Variants in IRAK4 observed in about 807,000 individuals in gnomAD.
IRAK4 encodes interleukin-1 receptor-associated kinase 4.
IRAK4 carries 44 observed loss-of-function variants against 51.8 expected under a neutral mutation model. That is an observed-to-expected ratio of 0.85 (90% CI 0.67 to 1.09). The LOEUF (loss-of-function observed/expected upper bound fraction) is 1.09, where lower values mean the gene tolerates loss of function less well. Among genes scored for constraint, IRAK4 ranks in the 50% least tolerant of loss-of-function variants. IRAK4 has a pLI of 0.00. For missense variants in IRAK4, 487 were observed against 538.0 expected (o/e 0.91, Z 0.94); for synonymous variants, 149 against 174.1 (o/e 0.86, Z 1.13).
rs753251856 is a variant in IRAK4, at chr12:43,783,685, A to G, written c.1149A>G (p.Gly383=). 19 of 1,606,956 alleles carry G rather than the reference A, an allele frequency of 1.2e-5. No homozygotes were observed. The highest frequency in any genetic ancestry group is 4.3e-6 in the Non-Finnish European group (5 of 1,174,058). Residue 383 remains glycine, a synonymous_variant, in exon 10 of 12, where the codon GGA becomes GGG. Transcript: ENST00000613694. ...FGVVLLEIIT[G]LPAVDEHREP... ...AGGTTTTACTAGAAATAATAACTGG[A>G]CTTCCAGCTGTGGATGAACACCGTG...
rs1238789323 is a variant in IRAK4, at chr12:43,788,536, G to C, written c.*1821G>C. 6.6e-6 allele frequency: 1 copy of C among 150,558 alleles called. No individual in the cohort carries two copies. The highest frequency in any genetic ancestry group is 2.0e-4 in the East Asian group (1 of 5,120). The allele number at this position is 150,558 out of a possible 1,614,324, so 9.3% of individuals were successfully genotyped here. On this transcript the variant is annotated 3_prime_UTR_variant, in exon 12 of 12. Coordinates refer to ENST00000613694, the MANE Select transcript of IRAK4 (RefSeq NM_016123.4). Reference sequence around the variant, plus strand: ...GGACATGGAATCAAGGAATATGTTAGGGCTTTTTTTTTTTTTTTTTTGAGA... The same window carrying C: ...GGACATGGAATCAAGGAATATGTTACGGCTTTTTTTTTTTTTTTTTTGAGA...
chr12:43,779,868 T>G (rs1201773742), intron 8 of IRAK4, among the ~76,000 whole-genome samples: 1 of 152,198 alleles, frequency 6.6e-6, no homozygotes, highest in Non-Finnish European at 1.5e-5. Context: ...GCTGAAGATA[T>G]AAATGTGTAT....
At chr12:43,774,646 A>C (rs1465053012) in intron 6 of IRAK4, among the ~76,000 whole-genome samples, 1 of 152,216 alleles carries the variant, frequency 6.6e-6, no homozygotes, top group Non-Finnish European at 1.5e-5. Flanking sequence ...TCAATTGTAG[A>C]GATACTTAAA....
intron 3 of IRAK4, among the ~76,000 whole-genome samples, 156 bp downstream of exon 3, chr12:43,771,521 A>T (rs1170040550): frequency 2.6e-5 from 4 of 152,260 alleles, no homozygotes; most frequent in African/African-American, 9.6e-5. Context: ...TTTAAAAAGC[A>T]GCACAGACAA....
intron 8 of IRAK4, among the ~76,000 whole-genome samples, chr12:43,778,609 T>A (rs1394715377): frequency 6.6e-6 from 1 of 152,176 alleles, no homozygotes; most frequent in Non-Finnish European, 1.5e-5. Flanking sequence ...TATTCTTTTC[T>A]GAATCACCTT....
intron 1 of IRAK4, among the ~76,000 whole-genome samples, chr12:43,761,373 T>C (rs1223843554): frequency 6.6e-6 from 1 of 152,236 alleles, no homozygotes; most frequent in South Asian, 2.1e-4. Flanking sequence ...TCCTCACTAC[T>C]GTTCTGGAAA....
At position 43,773,050 on chromosome 12, in the gene IRAK4, T is replaced by C. The variant is rs1940934200; in HGVS notation, c.629T>C (p.Val210Ala). The change falls in exon 5 of 12, where the codon GTG (valine) becomes GCG (alanine). Residue 210 changes from valine (V) to alanine (A), a missense_variant. Transcript: ENST00000613694. The part of the protein sequence containing the change: ...VYKGYVNNTT[V>A]AVKKLAAMVD... ...AAAGGCTACGTAAATAACACAACTG[T>C]GGCAGTGAAGAAGCTTGCAGCAGTA... is the stretch of plus-strand genomic sequence containing the variant. The C allele has an allele frequency of 6.2e-7, 1 of 1,613,224 alleles. No individual in the cohort carries two copies. The highest frequency in any genetic ancestry group is 8.5e-7 in the Non-Finnish European group (1 of 1,179,422).
chr12:43,770,961 T>C (rs539108841), intron 2 of IRAK4: 7 of 628,236 alleles, frequency 1.1e-5, no homozygotes, highest in East Asian at 6.4e-5. Flanking sequence ...ATTTTTCTTT[T>C]TCTCTCTCTC....
chr12:43,786,003 T>C (rs573882931), intron 10 of IRAK4, among the ~76,000 whole-genome samples: 41 of 152,170 alleles, frequency 2.7e-4, no homozygotes, highest in African/African-American at 9.4e-4. Flanking sequence ...TGGATGGCTG[T>C]ACTTATTTAC....
chr12:43,783,931 A>G (rs1451853318), intron 10 of IRAK4, among the ~76,000 whole-genome samples: 3 of 152,300 alleles, frequency 2.0e-5, no homozygotes, highest in East Asian at 1.9e-4. Flanking sequence ...AGTCACTTAT[A>G]TATTCTTTGT....
chr12:43,787,704 T>C lies in IRAK4; in HGVS notation c.*989T>C, dbSNP rs4251584. On this transcript the variant is annotated 3_prime_UTR_variant, in exon 12 of 12. Transcript: ENST00000613694. ...CCTGGATTTCAGCTTTGCATGATCCTCAGTATGAGAATCTATCTGTTCTGT... is the reference window on the plus strand; with the variant it reads ...CCTGGATTTCAGCTTTGCATGATCCCCAGTATGAGAATCTATCTGTTCTGT... 6.6e-6 allele frequency: 1 copy of C among 152,236 alleles called. No homozygotes were observed. Among genetic ancestry groups the C allele is most frequent in the South Asian group, 2.1e-4 (1 of 4,832 alleles). 9.4% of individuals were successfully genotyped at this position (152,236 alleles called of 1,614,324 possible). A position where few individuals can be genotyped will look rare whatever the true frequency, so the allele number is the denominator to read the frequency against.
In IRAK4 at chr12:43,773,980, A is replaced by G. The variant is rs1317889507; in HGVS notation, c.667A>G (p.Thr223Ala). 7.5e-6 allele frequency: 12 copies of G among 1,604,240 alleles called. No homozygotes were observed. Among genetic ancestry groups the G allele is most frequent in the Non-Finnish European group, 9.4e-6 (11 of 1,172,008 alleles). The change falls in exon 6 of 12, where the codon ACT becomes GCT. Residue 223 changes from threonine to alanine, a missense_variant. By Grantham distance (58) the Thr-to-Ala change is moderately conservative. Coordinates refer to ENST00000613694, the MANE Select transcript of IRAK4 (RefSeq NM_016123.4). ...ATTTTTTCAGATGGTTGACATTACTACTGAAGAACTGAAACAGCAGTTTGA... is the reference window on the plus strand; with the variant it reads ...ATTTTTTCAGATGGTTGACATTACTGCTGAAGAACTGAAACAGCAGTTTGA... ...KKLAAMVDIT[T>A]EELKQQFDQE...
intron 1 of IRAK4, chr12:43,759,585 C>T (rs1293611251): frequency 6.5e-6 from 1 of 152,840 alleles, no homozygotes; most frequent in African/African-American, 2.4e-5. Flanking sequence ...AAAGCAAACC[C>T]TGTCCAGGTG....
rs1313839284 is a variant in IRAK4 at position 43,783,693 on chromosome 12, C to G, written c.1157C>G (p.Ala386Gly). The change falls in exon 10 of 12, where the codon GCT (alanine) becomes GGT (glycine). Residue 386 changes from alanine (A) to glycine (G), a missense_variant. Transcript: ENST00000613694. The stretch of plus-strand genomic sequence containing the variant: ...CTAGAAATAATAACTGGACTTCCAG[C>G]TGTGGATGAACACCGTGAACCTCAG... ...VLLEIITGLPAVDEHREPQLL... is the reference protein window; with the variant it reads ...VLLEIITGLPGVDEHREPQLL... The G allele has an allele frequency of 6.2e-7, 1 of 1,608,012 alleles. No individual in the cohort carries two copies. Among genetic ancestry groups the G allele is most frequent in the African/African-American group, 1.3e-5 (1 of 74,936 alleles).
In IRAK4 at chr12:43,782,809, C is replaced by T. The variant is rs1440669937; in HGVS notation, c.1125+319C>T. On this transcript the variant is annotated intron_variant, in intron 9 of 11. Transcript: ENST00000613694. ...CTCACATTTTTTGACATTTACTAAT[C>T]TACCTCTCTATTCCCAATAACTTTT... Among the ~76,000 whole-genome samples the T allele has an allele frequency of 2.0e-5, 3 of 152,188 alleles. No homozygotes were observed. The East Asian group carries it at 5.8e-4, about 29-fold the overall frequency.
intron 8 of IRAK4, among the ~76,000 whole-genome samples, chr12:43,780,421 ATGATG>A (rs1941675314): frequency 6.6e-6 from 1 of 152,046 alleles, no homozygotes; most frequent in Admixed American, 6.5e-5. Context: ...GAGAAATGAG[ATGATG>A]TGTTCAGTAG....
At chr12:43,769,504 T>A (rs935840414) in intron 2 of IRAK4, among the ~76,000 whole-genome samples, 3 of 151,998 alleles carry the variant, frequency 2.0e-5, no homozygotes, top group Non-Finnish European at 4.4e-5. Context: ...TACAAAAAAT[T>A]AGCTGGGTGT....
Position 43,772,336 on chromosome 12 carries a change from A to C in IRAK4, c.464A>C (p.Asn155Thr), listed in dbSNP as rs757047226. 2.5e-6 allele frequency: 4 copies of C among 1,613,186 alleles called. No individual in the cohort carries two copies. The East Asian group carries it at 6.7e-5, about 27-fold the overall frequency. The change falls in exon 4 of 12, where the codon AAT (asparagine) becomes ACT (threonine). Residue 155 changes from asparagine (N) to threonine (T), a missense_variant. Physicochemically the swap from Asn to Thr is moderately conservative, Grantham distance 65. Coordinates refer to ENST00000613694, the MANE Select transcript of IRAK4 (RefSeq NM_016123.4). ...YMPPDSSSPE[N>T]KSLEVSDTRF... ...CCACCTGACTCCTCAAGTCCAGAAA[A>C]TAAAAGTTTAGAAGTTAGTGATACA...
rs562549392 is a variant in IRAK4 at position 43,789,468 on chromosome 12, G to A, written c.*2753G>A. The A allele has an allele frequency of 1.3e-5, 2 of 152,238 alleles. No individual in the cohort carries two copies. The highest frequency in any genetic ancestry group is 4.8e-5 in the African/African-American group (2 of 41,532). The allele number at this position is 152,238 out of a possible 1,614,324, so 9.4% of individuals were successfully genotyped here. A position where few individuals can be genotyped will look rare whatever the true frequency, so the allele number is the denominator to read the frequency against. On this transcript the variant is annotated 3_prime_UTR_variant, in exon 12 of 12. Transcript: ENST00000613694. ...GCCTCAGTTATTCCTTTATAGTGAT[G>A]CAAAACGGGCTAACTATATAAATTT...
Sources: allele counts gnomAD v4.1 joint callset (sites outside exome capture counted in the v4.1 genomes callset), GRCh38; gene constraint gnomAD v4.1.1; transcripts MANE v1.5; gene names NCBI Gene and HGNC (gene_info 2026-07-23, HGNC 2026-07-21).